FAM171B: variants seen among roughly 807,000 people sequenced by gnomAD.
FAM171B encodes the protein protein FAM171B.
FAM171B carries 19 observed loss-of-function variants against 75.6 expected under a neutral mutation model. That is an observed-to-expected ratio of 0.25 (90% CI 0.18 to 0.37). The LOEUF (loss-of-function observed/expected upper bound fraction) is 0.37. FAM171B is among the 10% of genes least tolerant of loss of function. FAM171B has a pLI of 1.00. For missense variants in FAM171B, 848 were observed against 982.4 expected, an observed-to-expected ratio of 0.86 and a Z score of 1.83; for synonymous variants, 367 against 361.7, an observed-to-expected ratio of 1.01 and a Z score of -0.17.
At chr2:186,732,899 A>G (rs1370214634) in intron 1 of FAM171B, among the ~76,000 whole-genome samples, 2 of 152,338 alleles carry the variant, frequency 1.3e-5, no homozygotes, top group South Asian at 2.1e-4. Flanking sequence ...CTGAGATCTC[A>G]TCAGGAAGCT....
At chr2:186,753,534 T>C (rs551012418) in intron 5 of FAM171B, among the ~76,000 whole-genome samples, 2 of 152,272 alleles carry the variant, frequency 1.3e-5, no homozygotes, top group South Asian at 4.1e-4. Context: ...GATTCTAAGG[T>C]GAGTTTATTT....
chr2:186,702,309 G>A (rs895637439), intron 1 of FAM171B, among the ~76,000 whole-genome samples: 4 of 152,112 alleles, frequency 2.6e-5, no homozygotes, highest in Non-Finnish European at 4.4e-5. Flanking sequence ...AAGTACTTGT[G>A]TATCTAAACA....
At chr2:186,729,661 T>TTTTG (rs1690085244) in intron 1 of FAM171B, among the ~76,000 whole-genome samples, 1 of 152,178 alleles carries the variant, frequency 6.6e-6, no homozygotes, top group Non-Finnish European at 1.5e-5. Context: ...GCTGAGGTTT[T>TTTTG]TTTTGTTTTG....
chr2:186,741,547 C>T (rs932023266), intron 2 of FAM171B, among the ~76,000 whole-genome samples: 6 of 151,998 alleles, frequency 3.9e-5, no homozygotes, highest in African/African-American at 1.2e-4. Flanking sequence ...ATTTTCAAAA[C>T]AGGAAATACA....
intron 1 of FAM171B, among the ~76,000 whole-genome samples, chr2:186,707,839 TTTA>T (rs1379942162): frequency 5.4e-4 from 57 of 106,486 alleles, no homozygotes; most frequent in African/African-American, 2.0e-3. Context: ...ACTTTTTTTT[TTTA>T]AAAAAAAAAA....
intron 4 of FAM171B, among the ~76,000 whole-genome samples, chr2:186,750,304 G>T (rs563582486): frequency 6.6e-6 from 1 of 151,992 alleles, no homozygotes; most frequent in African/African-American, 2.4e-5. Context: ...CCCTCTCTCC[G>T]CCCAGAGTAA....
At chr2:186,713,213 G>T (rs1689832440) in intron 1 of FAM171B, among the ~76,000 whole-genome samples, 1 of 152,292 alleles carries the variant, frequency 6.6e-6, no homozygotes, top group South Asian at 2.1e-4. Flanking sequence ...GATGGTCAGG[G>T]TTCTGTGTAC....
chr2:186,745,317 G>A (rs1690350993), intron 3 of FAM171B, among the ~76,000 whole-genome samples: 1 of 152,118 alleles, frequency 6.6e-6, no homozygotes, highest in Non-Finnish European at 1.5e-5. Flanking sequence ...CCCCTCACTG[G>A]CATCTTCAAA....
At chr2:186,737,065 A>C (rs765552484) in intron 1 of FAM171B, among the ~76,000 whole-genome samples, 2 of 151,910 alleles carry the variant, frequency 1.3e-5, no homozygotes, top group Non-Finnish European at 2.9e-5. Flanking sequence ...AAAGTAGCTA[A>C]CTATTTTCCT....
At chr2:186,719,005 G>A (rs187128792) in intron 1 of FAM171B, among the ~76,000 whole-genome samples, 203 of 152,188 alleles carry the variant, frequency 1.3e-3, no homozygotes, top group Admixed American at 2.2e-3. Context: ...TGTGCTATTC[G>A]TGCTGTGCTA....
chr2:186,739,422 T>C (rs1417390291), intron 1 of FAM171B, among the ~76,000 whole-genome samples: 1 of 152,232 alleles, frequency 6.6e-6, no homozygotes, highest in Non-Finnish European at 1.5e-5. Flanking sequence ...AGAAACACAT[T>C]GTACAACTGT....
At chr2:186,703,968 A>G (rs1373335277) in intron 1 of FAM171B, among the ~76,000 whole-genome samples, 2 of 152,170 alleles carry the variant, frequency 1.3e-5, no homozygotes, top group Admixed American at 6.5e-5. Flanking sequence ...TCATGGAGCA[A>G]TGATAAGGGT....
chr2:186,708,201 G>A (rs973352351), intron 1 of FAM171B, among the ~76,000 whole-genome samples: 2 of 152,110 alleles, frequency 1.3e-5, no homozygotes, highest in African/African-American at 2.4e-5. Flanking sequence ...AGGACCTTGG[G>A]ACTGAAGTGG....
chr2:186,755,010 A>G (rs1209262580), intron 6 of FAM171B, among the ~76,000 whole-genome samples: 1 of 152,158 alleles, frequency 6.6e-6, no homozygotes, highest in African/African-American at 2.4e-5. Context: ...TTCATAGTCT[A>G]GGAAAAATGA....
At chr2:186,726,327 C>G (rs1690032533) in intron 1 of FAM171B, among the ~76,000 whole-genome samples, 1 of 152,054 alleles carries the variant, frequency 6.6e-6, no homozygotes, top group Non-Finnish European at 1.5e-5. Context: ...TGGATCCAAT[C>G]TGGGGCTTAA....
At chr2:186,755,657 T>C (rs1398403805) in intron 6 of FAM171B, among the ~76,000 whole-genome samples, 1 of 152,222 alleles carries the variant, frequency 6.6e-6, no homozygotes, top group Non-Finnish European at 1.5e-5. Context: ...GTTTTTAAAA[T>C]CAAGTTTGAT....
rs1208129186 is a variant in FAM171B at position 186,694,362 on chromosome 2, G to A, written c.189G>A (p.Glu63=). 6.2e-7 allele frequency: 1 copy of A among 1,612,986 alleles called. No homozygotes were observed. The highest frequency in any genetic ancestry group is 1.7e-5 in the Admixed American group (1 of 59,862). ...AGCAAAAGCAGCTGGAGGAGGCTGA[G>A]GAGGAGAGGACAGAGGTGCCTGGGG... The part of the protein sequence containing the change: ...QQQQKQLEEA[E]EERTEVPGAT... The change falls in exon 1 of 8, where the codon GAG becomes GAA. Residue 63 remains glutamate, a synonymous_variant. Transcript: ENST00000304698.
chr2:186,758,515 A>G (rs554457555), intron 6 of FAM171B, among the ~76,000 whole-genome samples: 61 of 152,018 alleles, frequency 4.0e-4, no homozygotes, highest in South Asian at 3.9e-3. Context: ...CCCACCACTC[A>G]CTCTTCTTAC....
At position 186,762,669 on chromosome 2, in the gene FAM171B, G is replaced by C. The variant is rs778464081; in HGVS notation, c.2327G>C (p.Gly776Ala). ...GGSGVIMEHP[G>A]EESPGRKSTV... is the part of the protein sequence containing the mutation. ...AGTGGAGTGATCATGGAGCACCCTG[G>C]AGAAGAGTCGCCAGGAAGGAAAAGC... Residue 776 changes from glycine to alanine, a missense_variant, in exon 8 of 8, where the codon GGA (glycine) becomes GCA (alanine). Around this residue, in one of 3 missense-constraint regions of FAM171B, gnomAD observed 136 missense variants for 159.3 expected, o/e 0.85. Coordinates refer to ENST00000304698, the MANE Select transcript of FAM171B (RefSeq NM_177454.4). The surrounding 1 kb of genome is among the most constrained non-coding windows in gnomAD (Gnocchi z 4.0). The C allele has an allele frequency of 3.1e-6, 5 of 1,612,966 alleles. No homozygotes were observed. The highest frequency in any genetic ancestry group is 4.2e-6 in the Non-Finnish European group (5 of 1,179,618).
Sources: allele counts gnomAD v4.1 joint callset (sites outside exome capture counted in the v4.1 genomes callset), GRCh38; gene constraint gnomAD v4.1.1; regional missense constraint gnomAD v4.1.1; non-coding constraint Gnocchi (gnomAD v3.1); transcripts MANE v1.5; gene names NCBI Gene and HGNC (gene_info 2026-07-23, HGNC 2026-07-21).